Variants in XPO6 observed in about 807,000 individuals in gnomAD.
XPO6 encodes exportin-6.
XPO6 carries 3 observed loss-of-function variants against 130.0 expected under a neutral mutation model. The observed-to-expected ratio is 0.02, with a 90% confidence interval of 0.01 to 0.06. The LOEUF (loss-of-function observed/expected upper bound fraction) is 0.06, where lower values mean the gene tolerates loss of function less well. Ranked by LOEUF, XPO6 falls within the 10% of genes least tolerant of loss-of-function variation. The probability of loss-of-function intolerance (pLI) is 1.00; values close to 1 mark genes in which losing one functional copy is unlikely to be tolerated. For missense variants in XPO6, 970 were observed against 1,393.0 expected (o/e 0.70, Z 4.83); for synonymous variants, 524 against 548.9 (o/e 0.95, Z 0.63).
chr16:28,177,457 G>A (rs1441209957), intron 2 of XPO6, 125 bp from the exon 3 acceptor site: 21 of 550,396 alleles, frequency 3.8e-5, no homozygotes, highest in East Asian at 1.9e-4. Context: ...CAAAACCAGC[G>A]GATTCTTTAA....
At position 28,166,594 on chromosome 16, in the gene XPO6, A is replaced by G; in HGVS notation, c.566-9T>C. ...GACAGTCTCCAAGATACCTACCAAG[A>G]AAGGAGAAACAGAGTTATAAGAGAA... On this transcript the variant is annotated splice_polypyrimidine_tract_variant and intron_variant, in intron 5 of 23. Transcript: ENST00000304658. 6.3e-7 allele frequency: 1 copy of G among 1,575,504 alleles called. No individual in the cohort carries two copies. Among genetic ancestry groups the G allele is most frequent in the Non-Finnish European group, 8.6e-7 (1 of 1,158,610 alleles).
chr16:28,158,943 CAACAG>C (rs2043227207), intron 6 of XPO6, among the ~76,000 whole-genome samples: 1 of 152,052 alleles, frequency 6.6e-6, no homozygotes, highest in Non-Finnish European at 1.5e-5. Context: ...AAAACTATAA[CAACAG>C]GCCAGGAGCG....
intron 1 of XPO6, among the ~76,000 whole-genome samples, chr16:28,204,789 G>GGT (rs1457116422): frequency 6.6e-6 from 1 of 152,122 alleles, no homozygotes; most frequent in African/African-American, 2.4e-5. Context: ...CTGCAGAAGG[G>GGT]GTACTCCACT....
Position 28,132,518 on chromosome 16 carries a change from C to T in XPO6, c.1537-115G>A. 2.9e-6 allele frequency: 2 copies of T among 689,246 alleles called. No homozygotes were observed. Among genetic ancestry groups the T allele is most frequent in the South Asian group, 2.0e-5 (1 of 49,124 alleles). The allele number at this position is 689,246 out of a possible 1,614,324, so 42.7% of individuals were successfully genotyped here. On this transcript the variant is annotated intron_variant, in intron 11 of 23. Coordinates refer to ENST00000304658, the MANE Select transcript of XPO6 (RefSeq NM_015171.4). This position sits in a 1 kb window ranked among gnomAD's most constrained non-coding sequence, Gnocchi z 4.0. ...TATGGTGTGAGGAACAGGATCAAAA[C>T]CTTTTCTCTGGGAACCTTTAAATGC... is the stretch of plus-strand genomic sequence containing the variant.
At chr16:28,207,997 A>G (rs373352163) in intron 1 of XPO6, among the ~76,000 whole-genome samples, 25 of 117,228 alleles carry the variant, frequency 2.1e-4, no homozygotes, top group African/African-American at 8.0e-4. Flanking sequence ...ATACAAAACA[A>G]AAAAAAAAAC....
intron 20 of XPO6, chr16:28,105,602 T>C (rs1239437938): frequency 6.3e-6 from 1 of 158,334 alleles, no homozygotes; most frequent in Non-Finnish European, 1.4e-5. Context: ...CCGGGTCTTA[T>C]TATGCTGAGT....
intron 20 of XPO6, among the ~76,000 whole-genome samples, chr16:28,105,288 G>A (rs1186014903): frequency 6.6e-6 from 1 of 152,188 alleles, no homozygotes. Context: ...GATTCTGAGA[G>A]GAGTTAGAGG....
In XPO6 at chr16:28,134,914, G is replaced by C. The variant is rs545911567; in HGVS notation, c.1443+302C>G. On this transcript the variant is annotated intron_variant, in intron 10 of 23. Coordinates refer to ENST00000304658, the MANE Select transcript of XPO6 (RefSeq NM_015171.4). ...CAGGTTGGGGAGCAGAGGTGAGGGT[G>C]CAAGGCAGGGGAGACAGAGAGGATA... Among the ~76,000 whole-genome samples, 325 of 152,312 alleles carry C rather than the reference G, an allele frequency of 2.1e-3. 1 individual carries two copies. Among genetic ancestry groups the C allele is most frequent in the Non-Finnish European group, 3.5e-3 (237 of 68,034 alleles).
At chr16:28,186,104 A>G (rs74014249) in intron 1 of XPO6, among the ~76,000 whole-genome samples, 8,909 of 152,140 alleles carry the variant, frequency 0.059, 653 homozygotes, top group East Asian at 0.17. Context: ...TGGAAGAAGC[A>G]GAAGGGTGAC....
intron 7 of XPO6, chr16:28,154,153 T>C: frequency 2.0e-6 from 2 of 983,058 alleles, no homozygotes; most frequent in Non-Finnish European, 2.4e-6. Flanking sequence ...AACTCCTTCC[T>C]CACTCACTTA....
chr16:28,106,127 G>A lies in XPO6; in HGVS notation c.2700C>T (p.Val900=). The A allele has an allele frequency of 1.2e-6, 2 of 1,614,164 alleles. No homozygotes were observed. The highest frequency in any genetic ancestry group is 1.7e-6 in the Non-Finnish European group (2 of 1,180,042). ...EKFLKILQVV[V]QEPGQVFKPF... Reference sequence around the variant, plus strand: ...GCTTGAACACCTGGCCTGGCTCCTGGACCACCACCTGCAGGATCTTCAGAA... The same window carrying A: ...GCTTGAACACCTGGCCTGGCTCCTGAACCACCACCTGCAGGATCTTCAGAA... The change falls in exon 20 of 24, where the codon GTC becomes GTT. Residue 900 remains valine, a synonymous_variant. Transcript: ENST00000304658. This position sits in a 1 kb window ranked among gnomAD's most constrained non-coding sequence, Gnocchi z 4.2.
chr16:28,114,269 G>A (rs888683349), intron 15 of XPO6, among the ~76,000 whole-genome samples: 1 of 148,168 alleles, frequency 6.7e-6, no homozygotes, highest in Admixed American at 6.7e-5. Flanking sequence ...AAAGGAAAAT[G>A]AAGGCATACT....
intron 9 of XPO6, among the ~76,000 whole-genome samples, chr16:28,141,375 G>A (rs963231695): frequency 6.6e-6 from 1 of 152,186 alleles, no homozygotes; most frequent in Non-Finnish European, 1.5e-5. Context: ...CAAGCACAAA[G>A]AGCCGGAAGT....
At chr16:28,125,877 C>A in intron 12 of XPO6, 29 bp from the exon 13 acceptor site, 2 of 1,604,372 alleles carry the variant, frequency 1.2e-6, no homozygotes. Flanking sequence ...GACAGTTTTT[C>A]ACAGGAAGAC....
intron 2 of XPO6, chr16:28,179,196 G>A (rs2043578813): frequency 6.6e-6 from 1 of 152,420 alleles, no homozygotes; most frequent in Non-Finnish European, 1.5e-5. Context: ...AGCACTCAAT[G>A]GTGCTGTTTT....
At chr16:28,178,445 T>C (rs969862839) in intron 2 of XPO6, among the ~76,000 whole-genome samples, 2 of 151,806 alleles carry the variant, frequency 1.3e-5, no homozygotes, top group African/African-American at 4.8e-5. Context: ...GGTAAGTGCC[T>C]GTAGTCCTAG....
At chr16:28,141,587 C>T (rs1391713038) in intron 9 of XPO6, among the ~76,000 whole-genome samples, 1 of 152,172 alleles carries the variant, frequency 6.6e-6, no homozygotes, top group East Asian at 1.9e-4. Flanking sequence ...GGATGATCTA[C>T]CCCATCGGCC....
At chr16:28,205,143 A>G (rs905009017) in intron 1 of XPO6, among the ~76,000 whole-genome samples, 1 of 152,280 alleles carries the variant, frequency 6.6e-6, no homozygotes, top group Non-Finnish European at 1.5e-5. Context: ...TGCAAAGGGG[A>G]AAAAAGAAAT....
intron 12 of XPO6, among the ~76,000 whole-genome samples, chr16:28,127,938 A>G (rs1288671276): frequency 6.6e-6 from 1 of 152,214 alleles, no homozygotes; most frequent in African/African-American, 2.4e-5. Flanking sequence ...GCAGCCCTGA[A>G]GAGGCTGTGG....
Sources: allele counts gnomAD v4.1 joint callset (sites outside exome capture counted in the v4.1 genomes callset), GRCh38; gene constraint gnomAD v4.1.1; non-coding constraint Gnocchi (gnomAD v3.1); transcripts MANE v1.5; gene names NCBI Gene and HGNC (gene_info 2026-07-23, HGNC 2026-07-21).